Variants in TBX5 observed in about 807,000 individuals in gnomAD.
The protein encoded by TBX5 is T-box transcription factor 5.
A neutral mutation model predicts 51.1 loss-of-function variants in TBX5; 8 were observed. The observed-to-expected ratio is 0.16, with a 90% CI of 0.09 to 0.28. The LOEUF (loss-of-function observed/expected upper bound fraction) is 0.28. TBX5 is among the 10% of genes least tolerant of loss of function. TBX5 has a pLI of 1.00. For missense variants in TBX5, 589 were observed against 671.7 expected, an observed-to-expected ratio of 0.88 and a Z score of 1.36; for synonymous variants, 302 against 266.4, an observed-to-expected ratio of 1.13 and a Z score of -1.30.
In TBX5 at chr12:114,357,064, G is replaced by A. The variant is rs148538364; in HGVS notation, c.983-958C>T. Among the ~76,000 whole-genome samples the A allele has an allele frequency of 8.2e-3, 1,246 of 152,124 alleles. 12 individuals carry two copies. The highest frequency in any genetic ancestry group is 0.013 in the Non-Finnish European group (852 of 68,016). On this transcript the variant is annotated intron_variant, in intron 8 of 8. Transcript: ENST00000405440. The stretch of plus-strand genomic sequence containing the variant: ...CATGGATGCATGGATGAGTGGGAGG[G>A]AGCTTGAATGAATGTTCAAATTCTT...
chr12:114,403,640 T>A, intron 2 of TBX5, 112 bp downstream of exon 2: 1 of 1,469,904 alleles, frequency 6.8e-7, no homozygotes, highest in Non-Finnish European at 9.1e-7. Flanking sequence ...TGGGTTCGTT[T>A]TGGGGTTTTT....
Position 114,355,315 on chromosome 12 carries a change from G to C in TBX5, c.*217C>G. ...CATCTTTTTGTGTTTGTTTTTTTAAGTTTTGAGACAAAACAAGAAAGTCAC... is the reference window on the plus strand; with the variant it reads ...CATCTTTTTGTGTTTGTTTTTTTAACTTTTGAGACAAAACAAGAAAGTCAC... On this transcript the variant is annotated 3_prime_UTR_variant, in exon 9 of 9. Transcript: ENST00000405440. 1 of 686,270 alleles carries C rather than the reference G, an allele frequency of 1.5e-6. No homozygotes were observed. The highest frequency in any genetic ancestry group is 2.6e-6 in the Non-Finnish European group (1 of 387,084). 42.5% of individuals were successfully genotyped at this position (686,270 alleles called of 1,614,324 possible).
At position 114,378,473 on chromosome 12, in the gene TBX5, T is replaced by A. The variant is rs184605751; in HGVS notation, c.755+7003A>T. ...AGAACATGGACCGTGTCTTAACACC[T>A]ACCAGCGATCGAGCGTCCCTCTGGG... On this transcript the variant is annotated intron_variant, in intron 7 of 8. Transcript: ENST00000405440. Among the ~76,000 whole-genome samples, 22 of 152,304 alleles carry A rather than the reference T, an allele frequency of 1.4e-4. No individual in the cohort carries two copies. In the East Asian group the frequency reaches 3.3e-3, roughly 23 times the overall value.
chr12:114,402,132 T>C (rs1228090649), intron 2 of TBX5, among the ~76,000 whole-genome samples: 1 of 152,134 alleles, frequency 6.6e-6, no homozygotes, highest in Non-Finnish European at 1.5e-5. Context: ...TCCCTGAGGG[T>C]TGCAACAACC....
Position 114,366,266 on chromosome 12 carries a change from T to A in TBX5, c.881A>T (p.Glu294Val). The A allele has an allele frequency of 6.2e-7, 1 of 1,614,128 alleles. No individual in the cohort carries two copies. Among genetic ancestry groups the A allele is most frequent in the African/African-American group, 1.3e-5 (1 of 75,028 alleles). The part of the protein sequence containing the change: ...SSNLGSQYQC[E>V]NGVSGPSQDL... ...CTGGGAGGGGCCGGAAACACCATTCTCACACTGGTATTGGGACCCCAAATT... is the reference window on the plus strand; with the variant it reads ...CTGGGAGGGGCCGGAAACACCATTCACACACTGGTATTGGGACCCCAAATT... The change falls in exon 8 of 9, where the codon GAG (glutamate) becomes GTG (valine). Residue 294 changes from glutamate (E) to valine (V), a missense_variant. Glu to Val is a moderately radical substitution (Grantham distance 121). Transcript: ENST00000405440.
rs571667957 is a variant in TBX5, at chr12:114,359,624, C to A, written c.983-3518G>T. ...TCTGACCACTCATTATGGCATGGCACTGTAGAAAACCCTAGTACTTTGGAT... is the reference window on the plus strand; with the variant it reads ...TCTGACCACTCATTATGGCATGGCAATGTAGAAAACCCTAGTACTTTGGAT... On this transcript the variant is annotated intron_variant, in intron 8 of 8. Coordinates refer to ENST00000405440, the MANE Select transcript of TBX5 (RefSeq NM_181486.4). Among the ~76,000 whole-genome samples, 3 of 152,274 alleles carry A rather than the reference C, an allele frequency of 2.0e-5. No individual in the cohort carries two copies. The South Asian group carries it at 6.2e-4, about 32-fold the overall frequency.
At chr12:114,401,110 A>T (rs1311445806) in intron 3 of TBX5, among the ~76,000 whole-genome samples, 1 of 152,136 alleles carries the variant, frequency 6.6e-6, no homozygotes, top group African/African-American at 2.4e-5. Context: ...ACTCACACTG[A>T]CATACAGAGC....
chr12:114,370,259 A>C (rs1275763616), intron 7 of TBX5, among the ~76,000 whole-genome samples: 1 of 128,266 alleles, frequency 7.8e-6, no homozygotes, highest in Admixed American at 8.0e-5. Context: ...AAAAGAAAAG[A>C]AAAGAAAAGA....
rs780717533 is a variant in TBX5 at position 114,403,755 on chromosome 12, C to T, written c.144G>A (p.Gln48=). 1.9e-6 allele frequency: 3 copies of T among 1,613,454 alleles called. No individual in the cohort carries two copies. The highest frequency in any genetic ancestry group is 3.3e-5 in the Admixed American group (2 of 60,014). ...CCGAAGCGCGAGGTCTCCTTACCTGCTGGGTGAAGGCGGCCTGCGGGGACG... is the reference window on the plus strand; with the variant it reads ...CCGAAGCGCGAGGTCTCCTTACCTGTTGGGTGAAGGCGGCCTGCGGGGACG... ...SPSSPQAAFT[Q]QGMEGIKVFL... is the part of the protein sequence containing the mutation. Residue 48 remains glutamine, a synonymous_variant, in exon 2 of 9, where the codon CAG becomes CAA. Coordinates refer to ENST00000405440, the MANE Select transcript of TBX5 (RefSeq NM_181486.4).
chr12:114,361,846 C>T (rs937762873), intron 8 of TBX5, among the ~76,000 whole-genome samples: 3 of 152,184 alleles, frequency 2.0e-5, no homozygotes, highest in East Asian at 1.9e-4. Context: ...AGAGAGCCCT[C>T]GGTTGGAATG....
chr12:114,379,018 C>A lies in TBX5; in HGVS notation c.755+6458G>T, dbSNP rs181630888. On this transcript the variant is annotated intron_variant, in intron 7 of 8. Coordinates refer to ENST00000405440, the MANE Select transcript of TBX5 (RefSeq NM_181486.4). ...CCCTGAGTCTGCCAAGCTAGAGAGG[C>A]CACATTCTGATTTTTCAGTGGACAA... Among the ~76,000 whole-genome samples, 459 of 152,304 alleles carry A rather than the reference C, an allele frequency of 3.0e-3. 1 individual carries two copies. Among genetic ancestry groups the A allele is most frequent in the Non-Finnish European group, 5.2e-3 (351 of 68,042 alleles).
intron 5 of TBX5, among the ~76,000 whole-genome samples, chr12:114,397,408 C>T (rs2555006): frequency 0.41 from 61,825 of 152,056 alleles, 13,900 homozygotes; most frequent in Admixed American, 0.58. Context: ...GAATCAAATG[C>T]CCAAGACGAA....
At chr12:114,397,374 C>T (rs1300709523) in intron 5 of TBX5, among the ~76,000 whole-genome samples, 1 of 152,178 alleles carries the variant, frequency 6.6e-6, no homozygotes, top group Non-Finnish European at 1.5e-5. Context: ...CTATGCCTCC[C>T]GTCCGCCCCC....
At chr12:114,393,161 T>G (rs561383889) in intron 6 of TBX5, among the ~76,000 whole-genome samples, 1 of 152,092 alleles carries the variant, frequency 6.6e-6, no homozygotes, top group Non-Finnish European at 1.5e-5. Flanking sequence ...AGGGGAGGAT[T>G]TGGGGTGCTA....
rs1212041350 is a variant in TBX5, at chr12:114,366,241, C to T, written c.906G>A (p.Gln302=). The T allele has an allele frequency of 1.9e-6, 3 of 1,613,856 alleles. No individual in the cohort carries two copies. Among genetic ancestry groups the T allele is most frequent in the Non-Finnish European group, 2.5e-6 (3 of 1,180,002 alleles). The change falls in exon 8 of 9, where the codon CAG becomes CAA. Residue 302 remains glutamine (Q), a synonymous_variant. Coordinates refer to ENST00000405440, the MANE Select transcript of TBX5 (RefSeq NM_181486.4). ...QCENGVSGPS[Q]DLLPPPNPYP... is the part of the protein sequence containing the mutation. ...ATGGGTTGGGTGGAGGCAGGAGGTCCTGGGAGGGGCCGGAAACACCATTCT... is the reference window on the plus strand; with the variant it reads ...ATGGGTTGGGTGGAGGCAGGAGGTCTTGGGAGGGGCCGGAAACACCATTCT...
At chr12:114,376,851 G>A (rs1316692850) in intron 7 of TBX5, among the ~76,000 whole-genome samples, 2 of 151,404 alleles carry the variant, frequency 1.3e-5, no homozygotes, top group African/African-American at 4.9e-5. Context: ...ATGGGTGAGT[G>A]AGTTTCTCCC....
rs768418027 is a variant in TBX5 at position 114,401,918 on chromosome 12, G to A, written c.150C>T (p.Gly50=). The change falls in exon 3 of 9, where the codon GGC becomes GGT. Residue 50 remains glycine, a splice_region_variant and synonymous_variant. Transcript: ENST00000405440. ...GGAGAAACACTTTGATTCCCTCCAT[G>A]CCCTGCAAGAAGGAGAAAAAAGTCA... ...SSPQAAFTQQ[G]MEGIKVFLHE... 40 of 1,613,956 alleles carry A rather than the reference G, an allele frequency of 2.5e-5. No homozygotes were observed. The highest frequency in any genetic ancestry group is 3.2e-5 in the Non-Finnish European group (38 of 1,179,982).
chr12:114,394,583 T>C (rs1871321119), intron 6 of TBX5, among the ~76,000 whole-genome samples, 158 bp downstream of exon 6: 1 of 152,110 alleles, frequency 6.6e-6, no homozygotes, highest in Non-Finnish European at 1.5e-5. Flanking sequence ...CAGCTGAAAC[T>C]CTTAGGCTGC....
At chr12:114,374,221 GT>G (rs1870073781) in intron 7 of TBX5, among the ~76,000 whole-genome samples, 1 of 152,198 alleles carries the variant, frequency 6.6e-6, no homozygotes, top group South Asian at 2.1e-4. Flanking sequence ...AAGGTAGCAG[GT>G]CTCTTGGAAA....
Sources: allele counts gnomAD v4.1 joint callset (sites outside exome capture counted in the v4.1 genomes callset), GRCh38; gene constraint gnomAD v4.1.1; transcripts MANE v1.5; gene names NCBI Gene and HGNC (gene_info 2026-07-23, HGNC 2026-07-21).